The following PDE10A variants were observed in gnomAD, a reference collection of about 807,000 sequenced individuals.
PDE10A encodes cAMP and cAMP-inhibited cGMP 3',5'-cyclic phosphodiesterase 10A.
PDE10A carries 39 observed loss-of-function variants against 97.7 expected under a neutral mutation model. The observed-to-expected ratio is 0.40, with a 90% CI of 0.31 to 0.52. The LOEUF (loss-of-function observed/expected upper bound fraction) is 0.52. Among genes scored for constraint, PDE10A ranks in the 20% least tolerant of loss-of-function variants. The pLI, the probability that PDE10A is intolerant of heterozygous loss-of-function variation, is 0.56. For missense variants in PDE10A, 731 were observed against 1,047.8 expected (o/e 0.70, Z 4.17); for synonymous variants, 371 against 376.8 (o/e 0.98, Z 0.18).
At chr6:165,755,125 C>CT (rs1793087950) in intron 1 of PDE10A, among the ~76,000 whole-genome samples, 1 of 152,174 alleles carries the variant, frequency 6.6e-6, no homozygotes, top group Admixed American at 6.5e-5. Context: ...CTTGTGTCAT[C>CT]TACTCATAGA....
At chr6:165,560,987 A>C (rs1770531625) in intron 1 of PDE10A, among the ~76,000 whole-genome samples, 1 of 152,096 alleles carries the variant, frequency 6.6e-6, no homozygotes, top group African/African-American at 2.4e-5. Context: ...TGGGAGGTTG[A>C]GGCGGGCGGA....
At chr6:165,788,539 AG>A (rs370465721) in intron 1 of PDE10A, among the ~76,000 whole-genome samples, 10 of 141,200 alleles carry the variant, frequency 7.1e-5, no homozygotes, top group African/African-American at 1.6e-4. Flanking sequence ...AAAAAAAAAA[AG>A]AAAAGAAAAG....
upstream of PDE10A, among the ~76,000 whole-genome samples, chr6:165,665,648 A>G (rs556955596): frequency 1.2e-4 from 18 of 152,092 alleles, no homozygotes; most frequent in East Asian, 3.1e-3. Context: ...AAAATAAACA[A>G]TTTTCCTTAC....
intron 18 of PDE10A, among the ~76,000 whole-genome samples, chr6:165,367,601 G>A (rs1269425776): frequency 1.3e-5 from 2 of 151,730 alleles, no homozygotes; most frequent in African/African-American, 4.8e-5. Flanking sequence ...AGCGGTCAGG[G>A]TAAAAGATCA....
At chr6:165,455,773 T>C (rs557119642) in intron 3 of PDE10A, among the ~76,000 whole-genome samples, 1 of 152,322 alleles carries the variant, frequency 6.6e-6, no homozygotes, top group South Asian at 2.1e-4. Flanking sequence ...CTTGCTTTGT[T>C]GCACACTTGA....
chr6:165,725,467 G>T (rs1029462459), intron 1 of PDE10A, among the ~76,000 whole-genome samples: 2 of 152,182 alleles, frequency 1.3e-5, no homozygotes, highest in African/African-American at 4.8e-5. Context: ...TGAGCAGTGG[G>T]GCACCCTAGA....
chr6:165,586,816 T>C (rs977907037), intron 1 of PDE10A, among the ~76,000 whole-genome samples: 5 of 152,182 alleles, frequency 3.3e-5, no homozygotes, highest in Non-Finnish European at 7.3e-5. Flanking sequence ...GAAGCCAACA[T>C]CTAGAACTCG....
At chr6:165,826,205 C>G (rs1030739380) in intron 1 of PDE10A, among the ~76,000 whole-genome samples, 1 of 152,176 alleles carries the variant, frequency 6.6e-6, no homozygotes, top group Non-Finnish European at 1.5e-5. Context: ...AAATCACATC[C>G]CTGTAGACTC....
chr6:165,784,295 C>T (rs1031725321), intron 1 of PDE10A, among the ~76,000 whole-genome samples: 4 of 152,046 alleles, frequency 2.6e-5, no homozygotes, highest in Non-Finnish European at 5.9e-5. Flanking sequence ...GTAGCATCCA[C>T]CCACTTCAGC....
At chr6:165,589,151 T>C (rs1434552292) in intron 1 of PDE10A, among the ~76,000 whole-genome samples, 1 of 152,180 alleles carries the variant, frequency 6.6e-6, no homozygotes, top group African/African-American at 2.4e-5. Context: ...ATTGCAAACA[T>C]ACAGAGCATG....
chr6:165,649,587 A>G (rs1324041422), intron 1 of PDE10A, among the ~76,000 whole-genome samples: 4 of 152,128 alleles, frequency 2.6e-5, no homozygotes, highest in Non-Finnish European at 4.4e-5. Context: ...CCCGGTATAC[A>G]GCAGCTCCCA....
At chr6:165,737,332 T>TTTGTCTGAAAAG (rs1792600980) in intron 1 of PDE10A, among the ~76,000 whole-genome samples, 1 of 152,152 alleles carries the variant, frequency 6.6e-6, no homozygotes, top group Admixed American at 6.6e-5. Context: ...ACAAGGATAC[T>TTTGTCTGAAAAG]ACAAGAAAAG....
intron 1 of PDE10A, among the ~76,000 whole-genome samples, chr6:165,598,381 T>C (rs1181045733): frequency 6.6e-6 from 1 of 152,218 alleles, no homozygotes; most frequent in African/African-American, 2.4e-5. Context: ...TCAAGATTTC[T>C]TTCAAAAAGA....
At chr6:165,875,269 A>C (rs1310714442) in intron 1 of PDE10A, among the ~76,000 whole-genome samples, 1 of 152,176 alleles carries the variant, frequency 6.6e-6, no homozygotes, top group Middle Eastern at 3.2e-3. Context: ...GTTGGCAAAA[A>C]TGGACCACAG....
chr6:165,478,193 T>C (rs936399163), intron 3 of PDE10A, among the ~76,000 whole-genome samples: 1 of 152,338 alleles, frequency 6.6e-6, no homozygotes, highest in African/African-American at 2.4e-5. Flanking sequence ...ATTCCTCCTA[T>C]AGTTTTCTGC....
At chr6:165,971,991 T>G (rs993412528) in intron 1 of PDE10A, among the ~76,000 whole-genome samples, 2 of 152,066 alleles carry the variant, frequency 1.3e-5, no homozygotes, top group African/African-American at 4.8e-5. Flanking sequence ...CCTGACACAG[T>G]AGCAATCACG....
chr6:165,507,532 T>C (rs950803039), intron 2 of PDE10A, among the ~76,000 whole-genome samples: 3 of 152,208 alleles, frequency 2.0e-5, no homozygotes, highest in Non-Finnish European at 4.4e-5. Flanking sequence ...CCAAGTCCAG[T>C]AAGTTTCTTC....
chr6:165,800,749 T>C (rs10806833), intron 1 of PDE10A, among the ~76,000 whole-genome samples: 66,999 of 152,100 alleles, frequency 0.44, 14,957 homozygotes, highest in East Asian at 0.56. Flanking sequence ...GCAGAGCCCA[T>C]TTGGTGCCGC....
intron 1 of PDE10A, among the ~76,000 whole-genome samples, chr6:165,978,966 A>G (rs1784927021): frequency 6.6e-6 from 1 of 152,200 alleles, no homozygotes; most frequent in Non-Finnish European, 1.5e-5. Context: ...GGAGGAGGAG[A>G]AAAAGAAAAT....
Sources: gnomAD v4.1 joint callset for allele counts (sites outside exome capture counted in the v4.1 genomes callset) on GRCh38, gnomAD v4.1.1 for gene constraint, MANE v1.5 for transcripts, NCBI Gene and HGNC (gene_info 2026-07-23, HGNC 2026-07-21) for gene names.